VWA8: variants seen among roughly 807,000 people sequenced by gnomAD.
The protein encoded by VWA8 is von Willebrand factor A domain containing 8.
In VWA8, 221 loss-of-function variants were observed where a neutral mutation model predicts 241.5. That is an observed-to-expected ratio of 0.91 (90% CI 0.82 to 1.02). The LOEUF is 1.02. Ranked by LOEUF, VWA8 falls within the 50% of genes least tolerant of loss-of-function variation. The probability of loss-of-function intolerance (pLI) is 0.00; values close to 1 mark genes in which losing one functional copy is unlikely to be tolerated. For synonymous variants in VWA8, 852 were observed against 827.1 expected (o/e 1.03, Z -0.52); for missense variants, 2,322 against 2,328.7 (o/e 1.00, Z 0.06).
In VWA8 at chr13:41,729,626, C is replaced by A; in HGVS notation, c.2554G>T (p.Ala852Ser). 1 of 1,613,306 alleles carries A rather than the reference C, an allele frequency of 6.2e-7. No individual in the cohort carries two copies. Among genetic ancestry groups the A allele is most frequent in the Non-Finnish European group, 8.5e-7 (1 of 1,179,534 alleles). Residue 852 changes from alanine to serine, a missense_variant, in exon 23 of 45, where the codon GCT (alanine) becomes TCT (serine). Transcript: ENST00000379310. ...HILVVDEADK[A>S]PTNVTCILKT... ...AAAATACACGTGACATTTGTTGGAGCTTTGTCAGCCTCATCTACTACCAGA... is the reference window on the plus strand; with the variant it reads ...AAAATACACGTGACATTTGTTGGAGATTTGTCAGCCTCATCTACTACCAGA...
intron 20 of VWA8, among the ~76,000 whole-genome samples, chr13:41,765,794 C>T (rs865841109): frequency 1.3e-5 from 2 of 152,054 alleles, no homozygotes; most frequent in Admixed American, 6.5e-5. Context: ...TAAAAATCAA[C>T]ATGAAATTGA....
chr13:41,732,205 A>G, intron 21 of VWA8, 50 bp from the exon 22 acceptor site: 2 of 1,538,776 alleles, frequency 1.3e-6, no homozygotes, highest in Non-Finnish European at 1.8e-6. Context: ...TAAGCTGATG[A>G]TTGATCATGA....
intron 8 of VWA8, 110 bp downstream of exon 8, chr13:41,885,810 A>G: frequency 1.4e-6 from 1 of 731,698 alleles, no homozygotes. Flanking sequence ...GCCTTACAAT[A>G]TTTATAGAAG....
At chr13:41,714,480 G>C (rs1371984932) in intron 26 of VWA8, among the ~76,000 whole-genome samples, 1 of 151,978 alleles carries the variant, frequency 6.6e-6, no homozygotes, top group African/African-American at 2.4e-5. Context: ...TCAGAGGATA[G>C]AGACAATTTC....
In VWA8 at chr13:41,591,865, G is replaced by T. The variant is rs374880403; in HGVS notation, c.4987-1100C>A. On this transcript the variant is annotated intron_variant, in intron 40 of 44. Coordinates refer to ENST00000379310, the MANE Select transcript of VWA8 (RefSeq NM_015058.2). ...AAATAGGAACACTTTTACACTGTTG[G>T]TGGGACTGTAAACTAGTTCAACCAT... Among the ~76,000 whole-genome samples the T allele has an allele frequency of 1.4e-3, 202 of 144,616 alleles. 3 individuals carry two copies. Among genetic ancestry groups the T allele is most frequent in the African/African-American group, 5.0e-3 (192 of 38,612 alleles). The allele number at this position is 144,616 out of a possible 152,430, so 94.9% of individuals were successfully genotyped here. A position where few individuals can be genotyped will look rare whatever the true frequency, so the allele number is the denominator to read the frequency against.
At chr13:41,612,006 G>T (rs1442751526) in intron 38 of VWA8, among the ~76,000 whole-genome samples, 1 of 152,126 alleles carries the variant, frequency 6.6e-6, no homozygotes, top group Non-Finnish European at 1.5e-5. Context: ...CCATACTCTT[G>T]TGTACTATTT....
chr13:41,901,283 C>G (rs1875413159), intron 4 of VWA8, among the ~76,000 whole-genome samples: 1 of 151,894 alleles, frequency 6.6e-6, no homozygotes, highest in Admixed American at 6.6e-5. Context: ...AGCTCATCAT[C>G]ACTTTTTTAG....
At chr13:41,883,285 AGAAAAATAG>A in intron 9 of VWA8, 93 bp downstream of exon 9, 1 of 849,896 alleles carries the variant, frequency 1.2e-6, no homozygotes, top group Non-Finnish European at 1.9e-6. Context: ...GGATGGGGAG[AGAAAAATAG>A]GAAAGGTGGG....
chr13:41,852,794 T>C (rs1054051186), intron 12 of VWA8, among the ~76,000 whole-genome samples: 1 of 152,198 alleles, frequency 6.6e-6, no homozygotes, highest in Admixed American at 6.5e-5. Flanking sequence ...CTGGGCTCTC[T>C]ATTCTGGTTC....
At chr13:41,787,578 T>C (rs1022728235) in intron 17 of VWA8, 35 bp from the exon 18 acceptor site, 10 of 1,398,762 alleles carry the variant, frequency 7.1e-6, no homozygotes, top group Non-Finnish European at 1.0e-5. Context: ...GGGAAATGGC[T>C]TAAGTCAAAG....
intron 37 of VWA8, among the ~76,000 whole-genome samples, chr13:41,647,571 A>G (rs2044839682): frequency 6.6e-6 from 1 of 152,254 alleles, no homozygotes; most frequent in Non-Finnish European, 1.5e-5. Flanking sequence ...AGTTCAGGGC[A>G]CTGTGCTAGC....
chr13:41,886,313 T>C (rs1334960356), intron 7 of VWA8, among the ~76,000 whole-genome samples: 1 of 152,032 alleles, frequency 6.6e-6, no homozygotes, highest in Non-Finnish European at 1.5e-5. Flanking sequence ...ACCTAAACTC[T>C]AGCCTCCAAG....
chr13:41,895,068 A>G (rs1200769877), intron 4 of VWA8, among the ~76,000 whole-genome samples: 1 of 152,120 alleles, frequency 6.6e-6, no homozygotes, highest in East Asian at 1.9e-4. Context: ...GAATACAGAA[A>G]AGAGAACGTA....
chr13:41,711,942 C>T (rs368742635), intron 26 of VWA8, among the ~76,000 whole-genome samples: 1 of 146,202 alleles, frequency 6.8e-6, no homozygotes, highest in African/African-American at 2.5e-5. Flanking sequence ...AATGCAAACA[C>T]TTTTTTTTTT....
intron 17 of VWA8, among the ~76,000 whole-genome samples, chr13:41,807,181 G>A (rs964848803): frequency 9.2e-5 from 14 of 152,082 alleles, no homozygotes; most frequent in Non-Finnish European, 1.9e-4. Context: ...CAAGTAACGA[G>A]ATTGACACCA....
intron 21 of VWA8, among the ~76,000 whole-genome samples, chr13:41,748,999 T>C (rs1051228379): frequency 1.3e-5 from 2 of 152,144 alleles, no homozygotes; most frequent in African/African-American, 4.8e-5. Flanking sequence ...AAAGCCAGAA[T>C]TGATAAATGG....
At chr13:41,878,264 C>G (rs1263331964) in intron 9 of VWA8, among the ~76,000 whole-genome samples, 3 of 151,950 alleles carry the variant, frequency 2.0e-5, no homozygotes, top group Non-Finnish European at 2.9e-5. Context: ...TTTACCTCTT[C>G]TAATTCAAAA....
At chr13:41,823,666 C>T (rs935066138) in intron 14 of VWA8, among the ~76,000 whole-genome samples, 3 of 152,114 alleles carry the variant, frequency 2.0e-5, no homozygotes, top group Admixed American at 2.0e-4. Flanking sequence ...TATTTCTAAC[C>T]ACCACGTCCA....
Position 41,865,778 on chromosome 13 carries a change from G to A in VWA8, c.1383C>T (p.Ala461=), listed in dbSNP as rs988706607. The change falls in exon 12 of 45, where the codon GCC becomes GCT. Residue 461 remains alanine (A), a synonymous_variant. Transcript: ENST00000379310. ...CGKTVIAKNF[A]DTLGYNIEPI... ...GTTCTATGTTGTATCCTAAGGTATCGGCAAAGTTCTTAGCGATCACTGTTT... is the reference window on the plus strand; with the variant it reads ...GTTCTATGTTGTATCCTAAGGTATCAGCAAAGTTCTTAGCGATCACTGTTT... 1.7e-5 allele frequency: 27 copies of A among 1,613,898 alleles called. No individual in the cohort carries two copies. The highest frequency in any genetic ancestry group is 5.3e-5 in the African/African-American group (4 of 74,860).
Sources: gnomAD v4.1 joint callset for allele counts (sites outside exome capture counted in the v4.1 genomes callset) on GRCh38, gnomAD v4.1.1 for gene constraint, MANE v1.5 for transcripts, NCBI Gene and HGNC (gene_info 2026-07-23, HGNC 2026-07-21) for gene names.